Variants in L2HGDH observed in about 807,000 individuals in gnomAD.
L2HGDH encodes L-2-hydroxyglutarate dehydrogenase, also known as L-2-hydroxyglutarate dehydrogenase, mitochondrial.
Under a neutral mutation model 51.5 loss-of-function variants are expected in L2HGDH, and 34 were observed. The observed-to-expected ratio is 0.66, with a 90% CI of 0.50 to 0.88. The LOEUF is 0.88. Ranked by LOEUF, L2HGDH falls within the 40% of genes least tolerant of loss-of-function variation. The pLI is 0.00. For synonymous variants in L2HGDH, 198 were observed against 197.9 expected, an observed-to-expected ratio of 1.00 and a Z score of -0.01; for missense variants, 558 against 571.9, an observed-to-expected ratio of 0.98 and a Z score of 0.25.
At chr14:50,269,106 C>A in intron 7 of L2HGDH, 57 bp downstream of exon 7, 5 of 1,471,248 alleles carry the variant, frequency 3.4e-6, no homozygotes, top group Non-Finnish European at 4.7e-6. Context: ...GTTTTCATCT[C>A]CTTTATGACC....
At position 50,260,886 on chromosome 14, in the gene L2HGDH, C is replaced by T. The variant is rs551455778; in HGVS notation, c.1196+4472G>A. On this transcript the variant is annotated intron_variant, in intron 9 of 9. Transcript: ENST00000267436. ...ATCCTAGCACTTTGGGAGGCCAAGG[C>T]GGGTGGATTACCTGAGGTCAGGACT... Among the ~76,000 whole-genome samples, 5 of 152,176 alleles carry T rather than the reference C, an allele frequency of 3.3e-5. No individual in the cohort carries two copies. The South Asian group carries it at 8.3e-4, about 25-fold the overall frequency.
chr14:50,303,246 A>G (rs1022200393), intron 1 of L2HGDH, among the ~76,000 whole-genome samples: 1 of 151,930 alleles, frequency 6.6e-6, no homozygotes, highest in Non-Finnish European at 1.5e-5. Context: ...ACATGGTGAA[A>G]CCCCGTCTCT....
At chr14:50,285,969 A>G (rs1166754873) in intron 4 of L2HGDH, among the ~76,000 whole-genome samples, 1 of 152,118 alleles carries the variant, frequency 6.6e-6, no homozygotes, top group African/African-American at 2.4e-5. Context: ...ATGCAATCCA[A>G]TGCTCTGGCC....
Position 50,266,143 on chromosome 14 carries a change from CA to C in L2HGDH, c.1065-655del, listed in dbSNP as rs34597714. On this transcript the variant is annotated intron_variant, in intron 8 of 9. Transcript: ENST00000267436. ...CCTGGGCAACAGTGAAACTTTGACTCAAAAAAAAAAAAAAATACAGAGGTAA... is the reference window on the plus strand; with the variant it reads ...CCTGGGCAACAGTGAAACTTTGACTCAAAAAAAAAAAAAATACAGAGGTAA... Among the ~76,000 whole-genome samples, 941 of 136,758 alleles carry C rather than the reference CA, an allele frequency of 6.9e-3. 6 individuals carry two copies. Among genetic ancestry groups the C allele is most frequent in the African/African-American group, 0.019 (702 of 36,292 alleles). 89.7% of individuals were successfully genotyped at this position (136,758 alleles called of 152,430 possible).
chr14:50,292,674 C>T (rs1342186656), intron 4 of L2HGDH, among the ~76,000 whole-genome samples: 3 of 151,932 alleles, frequency 2.0e-5, no homozygotes, highest in African/African-American at 7.3e-5. Flanking sequence ...CCATTGCACT[C>T]CATCCTGGCA....
chr14:50,277,113 G>C (rs1052781460), intron 6 of L2HGDH, among the ~76,000 whole-genome samples: 15 of 151,920 alleles, frequency 9.9e-5, no homozygotes, highest in African/African-American at 3.4e-4. Flanking sequence ...TTATATCTTG[G>C]TATTTAAGTG....
chr14:50,294,516 C>G (rs11621181), intron 3 of L2HGDH, among the ~76,000 whole-genome samples: 2 of 152,170 alleles, frequency 1.3e-5, no homozygotes, highest in Non-Finnish European at 1.5e-5. Flanking sequence ...ATCATAGTCT[C>G]TATGTGCATC....
chr14:50,251,007 C>G (rs1351155352), intron 9 of L2HGDH, among the ~76,000 whole-genome samples: 2 of 152,128 alleles, frequency 1.3e-5, no homozygotes, highest in Non-Finnish European at 1.5e-5. Context: ...AATACATAAC[C>G]TCCTCAAATA....
intron 9 of L2HGDH, among the ~76,000 whole-genome samples, chr14:50,254,546 CA>C (rs1209701793): frequency 6.6e-6 from 1 of 151,958 alleles, no homozygotes; most frequent in Non-Finnish European, 1.5e-5. Flanking sequence ...GTTGAGTGTC[CA>C]ATGTAAAACT....
At chr14:50,287,394 A>T in intron 4 of L2HGDH, 3 of 683,246 alleles carry the variant, frequency 4.4e-6, no homozygotes, top group Non-Finnish European at 5.4e-6. Context: ...CCATTAGGAT[A>T]CCAGTAATCC....
At chr14:50,263,051 C>G (rs1467069495) in intron 9 of L2HGDH, among the ~76,000 whole-genome samples, 1 of 152,206 alleles carries the variant, frequency 6.6e-6, no homozygotes, top group East Asian at 1.9e-4. Context: ...TCCAGTTCTA[C>G]CATATGAAAT....
intron 9 of L2HGDH, among the ~76,000 whole-genome samples, chr14:50,261,547 A>G (rs981436868): frequency 6.6e-6 from 1 of 152,178 alleles, no homozygotes; most frequent in African/African-American, 2.4e-5. Context: ...CAGTAGTGCA[A>G]TAATGGCTAA....
At chr14:50,299,185 T>C (rs1368929733) in intron 3 of L2HGDH, among the ~76,000 whole-genome samples, 1 of 152,172 alleles carries the variant, frequency 6.6e-6, no homozygotes, top group Non-Finnish European at 1.5e-5. Context: ...TAAAGGCTAC[T>C]ATGACCAACT....
At chr14:50,254,976 G>A (rs76152450) in intron 9 of L2HGDH, among the ~76,000 whole-genome samples, 4,648 of 152,054 alleles carry the variant, frequency 0.031, 237 homozygotes, top group African/African-American at 0.1. Flanking sequence ...AGCTAATGGC[G>A]GTAGAGGCTG....
Position 50,243,666 on chromosome 14 carries a change from TATATATA to T in L2HGDH, c.*3385_*3391del, listed in dbSNP as rs1566496064. The T allele has an allele frequency of 4.7e-4, 65 of 138,820 alleles. No individual in the cohort carries two copies. Among genetic ancestry groups the T allele is most frequent in the Non-Finnish European group, 5.6e-4 (49 of 86,902 alleles). The allele number at this position is 138,820 out of a possible 1,614,324, so 8.6% of individuals were successfully genotyped here. On this transcript the variant is annotated 3_prime_UTR_variant, in exon 10 of 10. Transcript: ENST00000267436. ...CATTTTTATTTTTCAGGGTATTTTA[TATATATA>T]TATATATATATATTGTTTATTATTA...
At chr14:50,282,828 T>C (rs1195270106) in intron 5 of L2HGDH, among the ~76,000 whole-genome samples, 1 of 151,614 alleles carries the variant, frequency 6.6e-6, no homozygotes, top group Non-Finnish European at 1.5e-5. Flanking sequence ...ATCACTTGAG[T>C]CCAGGAGTTC....
chr14:50,302,255 A>G (rs1214470997), intron 2 of L2HGDH, 87 bp from the exon 3 acceptor site: 6 of 1,354,994 alleles, frequency 4.4e-6, no homozygotes, highest in Middle Eastern at 2.2e-4. Context: ...AGTTGAAGCT[A>G]TTAGAGACCA....
chr14:50,270,782 A>T (rs569858396), intron 6 of L2HGDH, among the ~76,000 whole-genome samples: 35 of 152,074 alleles, frequency 2.3e-4, no homozygotes, highest in African/African-American at 7.0e-4. Context: ...CTGGGATTAC[A>T]GGCGTGAGCC....
chr14:50,262,650 C>T (rs1360078160), intron 9 of L2HGDH, among the ~76,000 whole-genome samples: 1 of 151,806 alleles, frequency 6.6e-6, no homozygotes, highest in African/African-American at 2.4e-5. Context: ...TTATCACTCC[C>T]CTGCTCATTT....
Sources: allele counts gnomAD v4.1 joint callset (sites outside exome capture counted in the v4.1 genomes callset), GRCh38; gene constraint gnomAD v4.1.1; transcripts MANE v1.5; gene names NCBI Gene and HGNC (gene_info 2026-07-23, HGNC 2026-07-21).